The following RIOK3 variants were observed in gnomAD, a reference collection of about 807,000 sequenced individuals.
RIOK3 encodes the protein serine/threonine-protein kinase RIO3.
In RIOK3, 40 loss-of-function variants were observed where a neutral mutation model predicts 63.5. The ratio of observed to expected loss-of-function variants is 0.63; its 90% CI spans 0.49 to 0.82. The LOEUF is 0.82. Among genes scored for constraint, RIOK3 ranks in the 40% least tolerant of loss-of-function variants. The probability of loss-of-function intolerance (pLI) is 0.00; values close to 1 mark genes in which losing one functional copy is unlikely to be tolerated. For synonymous variants in RIOK3, 193 were observed against 205.0 expected (o/e 0.94, Z 0.50); for missense variants, 557 against 637.0 (o/e 0.87, Z 1.35).
rs1418859413 is a variant in RIOK3, at chr18:23,479,417, T to C, written c.1445T>C (p.Leu482Ser). ...NITADNEADF[L>S]AEIEALEKMN... ...ACAGCAGATAATGAAGCTGATTTTT[T>C]AGCTGAGGTATGTGATAAACAGCTG... Residue 482 changes from leucine to serine, a missense_variant, in exon 12 of 13, where the codon TTA becomes TCA. This residue lies in a region of RIOK3 where 309 missense variants were observed against 338.7 expected (regional missense o/e 0.91). Transcript: ENST00000339486. 8.1e-6 allele frequency: 13 copies of C among 1,607,736 alleles called. No individual in the cohort carries two copies.
chr18:23,464,660 T>TA (rs747574605), intron 5 of RIOK3, 32 bp downstream of exon 5: 1 of 1,339,514 alleles, frequency 7.5e-7, no homozygotes, highest in South Asian at 1.4e-5. Context: ...TCTCTGAATT[T>TA]AGAGTTTTGT....
At chr18:23,459,734 A>G (rs4800161) in intron 1 of RIOK3, among the ~76,000 whole-genome samples, 27,957 of 152,052 alleles carry the variant, frequency 0.18, 3,669 homozygotes, top group East Asian at 0.34. Flanking sequence ...GAAGTGGCGC[A>G]ATCTTGGCTC....
intron 8 of RIOK3, among the ~76,000 whole-genome samples, chr18:23,474,049 A>C (rs1420261121): frequency 6.6e-6 from 1 of 152,208 alleles, no homozygotes; most frequent in Admixed American, 6.6e-5. Flanking sequence ...TTTTCTAAGC[A>C]ATTTATTTTC....
intron 7 of RIOK3, among the ~76,000 whole-genome samples, chr18:23,470,320 G>A (rs1482075448): frequency 1.3e-4 from 20 of 150,964 alleles, no homozygotes; most frequent in African/African-American, 3.2e-4. Context: ...AGCTGAGATC[G>A]CGCCACTGCA....
intron 1 of RIOK3, among the ~76,000 whole-genome samples, chr18:23,456,776 A>G (rs1290239885): frequency 2.0e-5 from 3 of 152,238 alleles, no homozygotes; most frequent in Non-Finnish European, 4.4e-5. Flanking sequence ...TTATTAGAAG[A>G]TATCTGGATT....
chr18:23,472,991 T>C (rs1029756603), intron 7 of RIOK3, among the ~76,000 whole-genome samples: 1 of 152,248 alleles, frequency 6.6e-6, no homozygotes, highest in African/African-American at 2.4e-5. Context: ...TGCCACTTCT[T>C]GCAGACTTGT....
At chr18:23,460,134 G>T (rs2057365021) in intron 1 of RIOK3, among the ~76,000 whole-genome samples, 1 of 152,110 alleles carries the variant, frequency 6.6e-6, no homozygotes. Context: ...TAGAGCCAGG[G>T]TCTCACTCTG....
In RIOK3 at chr18:23,475,872, G is replaced by T. The variant is rs1051694007; in HGVS notation, c.1173+765G>T. 1.3e-5 allele frequency among the ~76,000 whole-genome samples: 2 copies of T among 150,404 alleles called. 1 individual carries two copies. Among genetic ancestry groups the T allele is most frequent in the Admixed American group, 1.3e-4 (2 of 15,052 alleles). ...CACCAAACTTCATTAAATAAAATTT[G>T]CTGTTAGTACATTTAGCAAAGTGCC... is the stretch of plus-strand genomic sequence containing the variant. On this transcript the variant is annotated intron_variant, in intron 9 of 12. Coordinates refer to ENST00000339486, the MANE Select transcript of RIOK3 (RefSeq NM_003831.5).
At chr18:23,454,557 A>G (rs777771865) in intron 1 of RIOK3, among the ~76,000 whole-genome samples, 7 of 152,266 alleles carry the variant, frequency 4.6e-5, no homozygotes, top group Non-Finnish European at 1.0e-4. Flanking sequence ...CAGTAGACAG[A>G]CTAGTATTAT....
chr18:23,472,273 A>G (rs2057461552), intron 7 of RIOK3, among the ~76,000 whole-genome samples: 1 of 151,920 alleles, frequency 6.6e-6, no homozygotes, highest in Admixed American at 6.6e-5. Context: ...TATAGAGATG[A>G]TATTTAGAGC....
At chr18:23,465,575 G>A (rs1298300073) in intron 5 of RIOK3, among the ~76,000 whole-genome samples, 1 of 152,170 alleles carries the variant, frequency 6.6e-6, no homozygotes, top group Non-Finnish European at 1.5e-5. Flanking sequence ...TTCTGTATGT[G>A]TGCTGTTCAA....
intron 4 of RIOK3, 66 bp from the exon 5 acceptor site, chr18:23,464,453 A>G: frequency 1.6e-6 from 2 of 1,217,784 alleles, no homozygotes; most frequent in East Asian, 4.7e-5. Context: ...CTTTTCAGAC[A>G]ACGTTGAATG....
At position 23,481,395 on chromosome 18, in the gene RIOK3, G is replaced by C; in HGVS notation, c.*116G>C. Reference sequence around the variant, plus strand: ...CTGAGGAGTGGGCAATGGTGCTTCTGTGCTTTTCCCCCTTGTAACCCATGT... The same window carrying C: ...CTGAGGAGTGGGCAATGGTGCTTCTCTGCTTTTCCCCCTTGTAACCCATGT... On this transcript the variant is annotated 3_prime_UTR_variant, in exon 13 of 13. Coordinates refer to ENST00000339486, the MANE Select transcript of RIOK3 (RefSeq NM_003831.5). The C allele has an allele frequency of 1.6e-6, 1 of 626,906 alleles. No homozygotes were observed. The highest frequency in any genetic ancestry group is 2.2e-5 in the South Asian group (1 of 46,266). The allele number at this position is 626,906 out of a possible 1,614,324, so 38.8% of individuals were successfully genotyped here.
Position 23,479,411 on chromosome 18 carries a change from A to AT in RIOK3, c.1445dup (p.Leu482PhefsTer3), listed in dbSNP as rs2057516717. 1 of 1,611,288 alleles carries AT rather than the reference A, an allele frequency of 6.2e-7. No individual in the cohort carries two copies. The highest frequency in any genetic ancestry group is 1.3e-5 in the African/African-American group (1 of 74,848). On this transcript the variant is annotated frameshift_variant, in exon 12 of 13. Transcript: ENST00000339486. LOFTEE classifies it high-confidence loss of function. ...AACATCACAGCAGATAATGAAGCTGATTTTTTAGCTGAGGTATGTGATAAA... is the reference window on the plus strand; with the variant it reads ...AACATCACAGCAGATAATGAAGCTGATTTTTTTAGCTGAGGTATGTGATAAA...
chr18:23,464,944 A>G (rs1329388610), intron 5 of RIOK3, among the ~76,000 whole-genome samples: 1 of 152,220 alleles, frequency 6.6e-6, no homozygotes, highest in Non-Finnish European at 1.5e-5. Context: ...CAAAAAACAG[A>G]TAACGGTGGC....
intron 7 of RIOK3, among the ~76,000 whole-genome samples, chr18:23,469,304 CCTCTCTCTCT>C (rs376929343): frequency 1.5e-4 from 3 of 19,406 alleles, no homozygotes; most frequent in African/African-American, 5.5e-4. Flanking sequence ...TTTCTTTCTT[CCTCTCTCTCT>C]CTCTCTCTCT....
At chr18:23,458,325 C>CA (rs1306024105) in intron 1 of RIOK3, among the ~76,000 whole-genome samples, 3 of 152,092 alleles carry the variant, frequency 2.0e-5, no homozygotes, top group Admixed American at 2.0e-4. Context: ...GATGATTCCC[C>CA]ACTAATGTGC....
intron 7 of RIOK3, among the ~76,000 whole-genome samples, chr18:23,469,407 C>A (rs1341834217): frequency 6.9e-5 from 6 of 87,398 alleles, no homozygotes; most frequent in African/African-American, 2.3e-4. Flanking sequence ...TCTCTCCCCT[C>A]TCTCCTCTCT....
chr18:23,458,537 G>T (rs1598802844), intron 1 of RIOK3, among the ~76,000 whole-genome samples: 1 of 152,230 alleles, frequency 6.6e-6, no homozygotes, highest in African/African-American at 2.4e-5. Flanking sequence ...ATTGTATGGG[G>T]TGTCCCATCA....
Sources: allele counts gnomAD v4.1 joint callset (sites outside exome capture counted in the v4.1 genomes callset), GRCh38; gene constraint gnomAD v4.1.1; regional missense constraint gnomAD v4.1.1; transcripts MANE v1.5; gene names NCBI Gene and HGNC (gene_info 2026-07-23, HGNC 2026-07-21).